The following SORBS2 variants were observed in gnomAD, a reference collection of about 807,000 sequenced individuals.
SORBS2 encodes the protein sorbin and SH3 domain containing 2, also known as sorbin and SH3 domain-containing protein 2.
A neutral mutation model predicts 97.7 loss-of-function variants in SORBS2; 46 were observed. The ratio of observed to expected loss-of-function variants is 0.47; its 90% CI spans 0.37 to 0.60. SORBS2 has a LOEUF of 0.60. Ranked by LOEUF, SORBS2 falls within the 20% of genes least tolerant of loss-of-function variation. The probability of loss-of-function intolerance (pLI) is 0.00; values close to 1 mark genes in which losing one functional copy is unlikely to be tolerated. For synonymous variants in SORBS2, 476 were observed against 473.4 expected, an observed-to-expected ratio of 1.01 and a Z score of -0.07; for missense variants, 1,316 against 1,282.3, an observed-to-expected ratio of 1.03 and a Z score of -0.40.
At chr4:185,845,174 C>CA (rs1028665841) in intron 1 of SORBS2, among the ~76,000 whole-genome samples, 7 of 152,112 alleles carry the variant, frequency 4.6e-5, no homozygotes, top group African/African-American at 1.7e-4. Flanking sequence ...CACCACCCCC[C>CA]AGCTAATTTT....
intron 4 of SORBS2, among the ~76,000 whole-genome samples, chr4:185,643,783 G>A (rs2097165910): frequency 1.3e-5 from 2 of 152,194 alleles, no homozygotes; most frequent in Non-Finnish European, 2.9e-5. Flanking sequence ...AATTGAAAAT[G>A]AAAAGAGCAA....
At chr4:185,926,957 A>G (rs2099264007) in intron 1 of SORBS2, among the ~76,000 whole-genome samples, 2 of 152,082 alleles carry the variant, frequency 1.3e-5, no homozygotes, top group African/African-American at 4.8e-5. Flanking sequence ...AGCCAAGGAA[A>G]AGTTGAACAA....
chr4:185,636,550 C>T (rs541981380), intron 4 of SORBS2, among the ~76,000 whole-genome samples: 4 of 152,128 alleles, frequency 2.6e-5, no homozygotes, highest in Non-Finnish European at 4.4e-5. Flanking sequence ...GAGTCTAAAA[C>T]GCATAAAAAC....
rs1236806773 is a variant in SORBS2 at position 185,734,169 on chromosome 4, T to C, written c.-198+41058A>G. The C allele has an allele frequency of 1.3e-5, 2 of 152,558 alleles. No homozygotes were observed. The highest frequency in any genetic ancestry group is 1.3e-4 in the Admixed American group (2 of 15,268). 9.5% of individuals were successfully genotyped at this position (152,558 alleles called of 1,614,324 possible). Reference sequence around the variant, plus strand: ...CTATTCTCGCTCTAGAAAAGAAATGTCACAATAAATAGGTGGGTGGGGTCT... The same window carrying C: ...CTATTCTCGCTCTAGAAAAGAAATGCCACAATAAATAGGTGGGTGGGGTCT... On this transcript the variant is annotated intron_variant, in intron 2 of 20. Transcript: ENST00000284776.
intron 1 of SORBS2, among the ~76,000 whole-genome samples, chr4:185,887,964 G>A (rs920520626): frequency 1.9e-5 from 1 of 52,216 alleles, no homozygotes; most frequent in Non-Finnish European, 4.3e-5. Context: ...ATATATATGT[G>A]TGTGTGTGTG....
intron 1 of SORBS2, among the ~76,000 whole-genome samples, chr4:185,913,153 C>T (rs1169430618): frequency 1.3e-5 from 2 of 152,180 alleles, no homozygotes; most frequent in East Asian, 3.8e-4. Context: ...CTTCTTTCAT[C>T]TATTTGGGAA....
intron 2 of SORBS2, among the ~76,000 whole-genome samples, chr4:185,703,492 ACTAAAAGAT>A (rs1224094837): frequency 6.6e-6 from 1 of 152,222 alleles, no homozygotes; most frequent in Non-Finnish European, 1.5e-5. Flanking sequence ...AGGAAAAAAA[ACTAAAAGAT>A]CTAAGCAGAC....
rs1414125904 is a variant in SORBS2 at position 185,704,688 on chromosome 4, AT to A, written c.-197-25867del. Among the ~76,000 whole-genome samples the A allele has an allele frequency of 1.4e-3, 218 of 152,134 alleles. 2 individuals carry two copies. The highest frequency in any genetic ancestry group is 5.0e-3 in the African/African-American group (208 of 41,436). ...CATTCTACTCCACAAATTACCCTGGATGTTCCCTCTCCCTCAACTCTCCATG... is the reference window on the plus strand; with the variant it reads ...CATTCTACTCCACAAATTACCCTGGAGTTCCCTCTCCCTCAACTCTCCATG... On this transcript the variant is annotated intron_variant, in intron 2 of 20. Coordinates refer to the SORBS2 transcript ENST00000284776.
At chr4:185,770,569 T>C (rs138533675) in intron 2 of SORBS2, among the ~76,000 whole-genome samples, 4 of 152,224 alleles carry the variant, frequency 2.6e-5, no homozygotes, top group Admixed American at 2.0e-4. Flanking sequence ...GGTTGGAGAA[T>C]GCAGACTTCT....
chr4:185,888,279 G>A (rs1270436093), intron 1 of SORBS2, among the ~76,000 whole-genome samples: 2 of 152,048 alleles, frequency 1.3e-5, no homozygotes, highest in Non-Finnish European at 2.9e-5. Context: ...GGATTATCTG[G>A]ATGGGCTCTA....
At chr4:185,706,486 A>T (rs114355850) in intron 2 of SORBS2, among the ~76,000 whole-genome samples, 255 of 152,270 alleles carry the variant, frequency 1.7e-3, no homozygotes, top group African/African-American at 5.9e-3. Context: ...AAATGGATAA[A>T]CCACAATCCT....
chr4:185,855,156 A>C (rs563195673), intron 1 of SORBS2, among the ~76,000 whole-genome samples: 1 of 152,322 alleles, frequency 6.6e-6, no homozygotes, highest in South Asian at 2.1e-4. Flanking sequence ...CTTGAAATAC[A>C]GTCTTACATT....
exon 4 of SORBS2, chr4:185,646,746 T>C (rs1486582597): frequency 3.7e-6 from 6 of 1,613,574 alleles, no homozygotes; most frequent in East Asian, 2.2e-5. Flanking sequence ...GAAATTTTCT[T>C]GTGTCCACTT....
In SORBS2 at chr4:185,808,207, A is replaced by G. The variant is rs79907330; in HGVS notation, c.-337-32841T>C. On this transcript the variant is annotated intron_variant, in intron 1 of 20. Transcript: ENST00000284776. ...CTATTTATCTTACTTTTATTAGAAA[A>G]CTCAATGCTGGAATGAATGCAATAA... 3.1e-3 allele frequency among the ~76,000 whole-genome samples: 471 copies of G among 152,254 alleles called. 12 individuals are homozygous for G. In the East Asian group the frequency reaches 0.072, roughly 23 times the overall value.
chr4:185,748,120 C>T (rs564172120), intron 2 of SORBS2, among the ~76,000 whole-genome samples: 1 of 152,216 alleles, frequency 6.6e-6, no homozygotes, highest in South Asian at 2.1e-4. Context: ...TTTCGGGTGG[C>T]CCACTGTAAG....
intron 13 of SORBS2, 114 bp from the exon 26 acceptor site, chr4:185,589,899 T>C (rs1204765967): frequency 1.1e-5 from 8 of 700,186 alleles, no homozygotes; most frequent in Non-Finnish European, 2.0e-5. Flanking sequence ...AACATTCTGT[T>C]GGGTGGTACA....
intron 11 of SORBS2, among the ~76,000 whole-genome samples, chr4:185,613,161 A>G (rs1291838547): frequency 1.3e-5 from 2 of 152,196 alleles, no homozygotes; most frequent in Non-Finnish European, 2.9e-5. Context: ...GTGATACAGA[A>G]GCTCGGGCAG....
intron 1 of SORBS2, among the ~76,000 whole-genome samples, chr4:185,935,707 T>A (rs1314036011): frequency 3.3e-5 from 5 of 152,082 alleles, no homozygotes; most frequent in African/African-American, 1.2e-4. Context: ...TTTTGAGATA[T>A]GTATATGGGT....
rs11932948 is a variant in SORBS2, at chr4:185,624,941, C to T, written c.635-447G>A. Among the ~76,000 whole-genome samples, 278 of 152,216 alleles carry T rather than the reference C, an allele frequency of 1.8e-3. 1 individual carries two copies. The highest frequency in any genetic ancestry group is 6.3e-3 in the African/African-American group (261 of 41,506). ...GCCGGAATTTGAGCCTCATTTGATT[C>T]GTAATGATACATAGGTGAAGAAGGG... On this transcript the variant is annotated intron_variant, in intron 6 of 14. Coordinates refer to ENST00000418609, the Ensembl canonical transcript of SORBS2.
Sources: gnomAD v4.1 joint callset for allele counts (sites outside exome capture counted in the v4.1 genomes callset) on GRCh38, gnomAD v4.1.1 for gene constraint, MANE v1.5 for transcripts, NCBI Gene and HGNC (gene_info 2026-07-23, HGNC 2026-07-21) for gene names.